The following ASCC3 variants were observed in gnomAD, a reference collection of about 807,000 sequenced individuals.
The protein encoded by ASCC3 is ASC-1 complex subunit P200.
Under a neutral mutation model 256.3 loss-of-function variants are expected in ASCC3, and 158 were observed. That is an observed-to-expected ratio of 0.62 (90% confidence interval 0.54 to 0.70). The LOEUF (loss-of-function observed/expected upper bound fraction) is 0.70, where lower values mean the gene tolerates loss of function less well. ASCC3 is among the 30% of genes least tolerant of loss of function. The pLI is 0.00. For missense variants in ASCC3, 2,259 were observed against 2,626.0 expected (o/e 0.86, Z 3.05); for synonymous variants, 948 against 883.4 (o/e 1.07, Z -1.30).
At chr6:100,761,473 G>A (rs180753654) in intron 10 of ASCC3, among the ~76,000 whole-genome samples, 214 of 152,296 alleles carry the variant, frequency 1.4e-3, no homozygotes, top group African/African-American at 5.0e-3. Context: ...TGGTGACAGA[G>A]TGAGACCTTT....
At position 100,601,937 on chromosome 6, in the gene ASCC3, T is replaced by C; in HGVS notation, c.5178-2A>G. 1 of 1,611,736 alleles carries C rather than the reference T, an allele frequency of 6.2e-7. No homozygotes were observed. The highest frequency in any genetic ancestry group is 8.5e-7 in the Non-Finnish European group (1 of 1,178,532). On this transcript the variant is annotated splice_acceptor_variant, in intron 33 of 41. Coordinates refer to ENST00000369162, the MANE Select transcript of ASCC3 (RefSeq NM_006828.4). LOFTEE classifies it high-confidence loss of function. ...TGGTCAGAGAGCACTCCTAATAAAC[T>C]ATATAGTGAACAAGACATGGGAAGC...
intron 30 of ASCC3, among the ~76,000 whole-genome samples, chr6:100,610,360 T>C (rs1018077037): frequency 6.6e-6 from 1 of 152,146 alleles, no homozygotes; most frequent in Admixed American, 6.6e-5. Flanking sequence ...AGTAAAAATG[T>C]ATGAAAATAT....
chr6:100,644,431 T>C lies in ASCC3; in HGVS notation c.3634-302A>G, dbSNP rs561403546. ...TAAATTTCAATTAAATAAAATCATA[T>C]AATATGCAGTCTTTTGTGACTGGAG... On this transcript the variant is annotated intron_variant, in intron 22 of 41. Coordinates refer to ENST00000369162, the MANE Select transcript of ASCC3 (RefSeq NM_006828.4). Among the ~76,000 whole-genome samples, 8 of 152,284 alleles carry C rather than the reference T, an allele frequency of 5.3e-5. No individual in the cohort carries two copies. The South Asian group carries it at 1.7e-3, about 32-fold the overall frequency.
intron 1 of ASCC3, among the ~76,000 whole-genome samples, chr6:100,876,170 T>A (rs1018483791): frequency 1.3e-4 from 19 of 151,538 alleles, no homozygotes; most frequent in African/African-American, 4.4e-4. Context: ...GAAGGATGAG[T>A]GGAAGTGCAT....
At chr6:100,543,400 T>C (rs1775560464) in intron 36 of ASCC3, among the ~76,000 whole-genome samples, 1 of 152,088 alleles carries the variant, frequency 6.6e-6, no homozygotes, top group Non-Finnish European at 1.5e-5. Flanking sequence ...ACTATATATG[T>C]TTGCCTACTA....
At chr6:100,614,575 T>C (rs1372083988) in intron 30 of ASCC3, among the ~76,000 whole-genome samples, 2 of 152,168 alleles carry the variant, frequency 1.3e-5, no homozygotes, top group Non-Finnish European at 2.9e-5. Context: ...CAAGGCCACA[T>C]AGCTTGTAAC....
chr6:100,798,053 G>A (rs1045872954), intron 8 of ASCC3, among the ~76,000 whole-genome samples: 1 of 152,030 alleles, frequency 6.6e-6, no homozygotes, highest in Non-Finnish European at 1.5e-5. Context: ...TTATGCTGCT[G>A]TTTTTGCTTG....
At chr6:100,683,013 T>C (rs1210808537) in intron 13 of ASCC3, among the ~76,000 whole-genome samples, 2 of 152,128 alleles carry the variant, frequency 1.3e-5, no homozygotes, top group Non-Finnish European at 2.9e-5. Context: ...TGTGTGAAAT[T>C]GGTTAATAAT....
chr6:100,840,775 T>C (rs1158443232), intron 4 of ASCC3, among the ~76,000 whole-genome samples: 1 of 152,070 alleles, frequency 6.6e-6, no homozygotes, highest in Non-Finnish European at 1.5e-5. Context: ...ATATTTGCAG[T>C]GATTATGACT....
intron 5 of ASCC3, among the ~76,000 whole-genome samples, chr6:100,802,510 C>G (rs1031364783): frequency 6.6e-6 from 1 of 151,970 alleles, no homozygotes. Flanking sequence ...TATAAATTAC[C>G]CAGTCTCAGG....
chr6:100,848,836 T>A, intron 3 of ASCC3, 129 bp from the exon 4 acceptor site: 2 of 887,654 alleles, frequency 2.3e-6, no homozygotes, highest in Non-Finnish European at 3.6e-6. Flanking sequence ...AGACCAGGTG[T>A]AATGGCTCCA....
intron 33 of ASCC3, among the ~76,000 whole-genome samples, chr6:100,604,664 T>G (rs1772797762): frequency 2.0e-5 from 3 of 151,962 alleles, no homozygotes; most frequent in Admixed American, 2.0e-4. Context: ...TAGGCTGGTC[T>G]CAAACTCCTG....
intron 25 of ASCC3, among the ~76,000 whole-genome samples, chr6:100,638,348 GA>G (rs1462860790): frequency 6.6e-6 from 1 of 152,134 alleles, no homozygotes; most frequent in East Asian, 1.9e-4. Context: ...AGTATAAACA[GA>G]ATTTTTATAT....
chr6:100,580,028 T>C (rs1468519374), intron 36 of ASCC3, among the ~76,000 whole-genome samples: 1 of 152,132 alleles, frequency 6.6e-6, no homozygotes, highest in Non-Finnish European at 1.5e-5. Flanking sequence ...ATTCTCGTTA[T>C]AGAGATTTTT....
intron 3 of ASCC3, chr6:100,857,420 CT>C (rs982680659): frequency 2.6e-5 from 4 of 151,956 alleles, no homozygotes; most frequent in Non-Finnish European, 2.9e-5. Context: ...TCCCTTTGTA[CT>C]TTTTGTTCTC....
chr6:100,783,237 G>T (rs1026462467), intron 8 of ASCC3, among the ~76,000 whole-genome samples: 8 of 152,182 alleles, frequency 5.3e-5, no homozygotes, highest in Admixed American at 6.5e-5. Flanking sequence ...CCTACTCAGT[G>T]TTCTTCCCAG....
At chr6:100,770,580 A>G (rs947130814) in intron 8 of ASCC3, among the ~76,000 whole-genome samples, 1 of 152,058 alleles carries the variant, frequency 6.6e-6, no homozygotes, top group Admixed American at 6.5e-5. Flanking sequence ...CTGATTATCT[A>G]TGTAAAAAAT....
chr6:100,535,822 A>G (rs1018803815), intron 37 of ASCC3, among the ~76,000 whole-genome samples: 1 of 152,190 alleles, frequency 6.6e-6, no homozygotes, highest in African/African-American at 2.4e-5. Context: ...GCTTCCGACA[A>G]GCCAAGCCAA....
At chr6:100,515,013 C>T (rs1773952492) in intron 39 of ASCC3, among the ~76,000 whole-genome samples, 2 of 152,146 alleles carry the variant, frequency 1.3e-5, no homozygotes, top group African/African-American at 4.8e-5. Context: ...TCATATCAGA[C>T]AGAGCCAATT....
Sources: gnomAD v4.1 joint callset for allele counts (sites outside exome capture counted in the v4.1 genomes callset) on GRCh38, gnomAD v4.1.1 for gene constraint, MANE v1.5 for transcripts, NCBI Gene and HGNC (gene_info 2026-07-23, HGNC 2026-07-21) for gene names.